Variants in BCAR3 observed in about 807,000 individuals in gnomAD.
BCAR3 encodes breast cancer anti-estrogen resistance protein 3.
Under a neutral mutation model 80.1 loss-of-function variants are expected in BCAR3, and 37 were observed. That is an observed-to-expected ratio of 0.46 (90% CI 0.36 to 0.61). The LOEUF (loss-of-function observed/expected upper bound fraction) is 0.61. Ranked by LOEUF, BCAR3 falls within the 20% of genes least tolerant of loss-of-function variation. The pLI is 0.00. For synonymous variants in BCAR3, 389 were observed against 418.9 expected, an observed-to-expected ratio of 0.93 and a Z score of 0.87; for missense variants, 978 against 1,068.2, an observed-to-expected ratio of 0.92 and a Z score of 1.18.
chr1:93,740,554 T>C (rs1016696129), intron 2 of BCAR3, among the ~76,000 whole-genome samples: 1 of 152,152 alleles, frequency 6.6e-6, no homozygotes, highest in Admixed American at 6.5e-5. Flanking sequence ...CTTGAGCTTG[T>C]TGTCCACTCT....
At chr1:93,737,009 T>C (rs1307109338) in intron 2 of BCAR3, among the ~76,000 whole-genome samples, 1 of 152,218 alleles carries the variant, frequency 6.6e-6, no homozygotes, top group Non-Finnish European at 1.5e-5. Context: ...CTCTCTAACC[T>C]GAGTTTTAAG....
intron 2 of BCAR3, among the ~76,000 whole-genome samples, chr1:93,735,718 T>A (rs1407617641): frequency 1.3e-5 from 2 of 152,258 alleles, no homozygotes; most frequent in Non-Finnish European, 2.9e-5. Flanking sequence ...TTGCATAAAG[T>A]GGTCTTGAGA....
chr1:93,650,176 C>T (rs1676278085), intron 2 of BCAR3, among the ~76,000 whole-genome samples: 1 of 152,026 alleles, frequency 6.6e-6, no homozygotes, highest in Admixed American at 6.6e-5. Flanking sequence ...CTTGAGGTCA[C>T]GAGTTCGAGA....
At chr1:93,747,209 G>A (rs1355772229) in intron 2 of BCAR3, among the ~76,000 whole-genome samples, 1 of 152,124 alleles carries the variant, frequency 6.6e-6, no homozygotes, top group Admixed American at 6.6e-5. Flanking sequence ...ATGCAACCTT[G>A]GCTCTGGCAA....
At chr1:93,670,590 G>A (rs926523697) in intron 2 of BCAR3, among the ~76,000 whole-genome samples, 38 of 152,134 alleles carry the variant, frequency 2.5e-4, no homozygotes, top group African/African-American at 9.2e-4. Flanking sequence ...TCCTAGCTCA[G>A]TTATCCATTA....
At chr1:93,636,509 C>T (rs1675785250) in intron 3 of BCAR3, among the ~76,000 whole-genome samples, 1 of 151,250 alleles carries the variant, frequency 6.6e-6, no homozygotes, top group Non-Finnish European at 1.5e-5. Flanking sequence ...GTGCTGTTTA[C>T]AGCCTGGCCA....
intron 2 of BCAR3, among the ~76,000 whole-genome samples, chr1:93,730,971 G>A (rs1036841499): frequency 6.6e-6 from 1 of 152,322 alleles, no homozygotes; most frequent in East Asian, 1.9e-4. Flanking sequence ...TGTGCCCTTG[G>A]TACATTGTGA....
chr1:93,829,808 T>G (rs1654495405), intron 2 of BCAR3, among the ~76,000 whole-genome samples: 1 of 152,206 alleles, frequency 6.6e-6, no homozygotes, highest in Non-Finnish European at 1.5e-5. Context: ...TGAAATGGTT[T>G]TGATCTGTGT....
rs114995815 is a variant in BCAR3, at chr1:93,830,788, A to G, written c.-63+14779T>C. ...TGGGACAGGAGGACTCCTTCAGGAG[A>G]CTGGTCTCCTGTCTTTGCCCTCACT... On this transcript the variant is annotated intron_variant, in intron 2 of 13. Coordinates refer to the BCAR3 transcript ENST00000370244. Among the ~76,000 whole-genome samples, 1,376 of 152,198 alleles carry G rather than the reference A, an allele frequency of 9.0e-3. 26 individuals are homozygous for G. The highest frequency in any genetic ancestry group is 0.031 in the African/African-American group (1,280 of 41,512).
At chr1:93,589,922 T>C (rs548753579) in intron 4 of BCAR3, among the ~76,000 whole-genome samples, 3 of 152,304 alleles carry the variant, frequency 2.0e-5, no homozygotes, top group Admixed American at 6.5e-5. Context: ...AGAAAATGTG[T>C]GCCTGGCAGG....
intron 2 of BCAR3, among the ~76,000 whole-genome samples, chr1:93,757,632 G>T (rs1191264800): frequency 2.6e-5 from 4 of 152,178 alleles, no homozygotes; most frequent in African/African-American, 9.7e-5. Context: ...AGAGGGCTAG[G>T]CAGGCATCCT....
intron 8 of BCAR3, among the ~76,000 whole-genome samples, chr1:93,573,370 G>A (rs2101811585): frequency 6.6e-6 from 1 of 151,078 alleles, no homozygotes; most frequent in South Asian, 2.1e-4. Context: ...ACTCCAGCCT[G>A]GGTAACTAGA....
intron 5 of BCAR3, 29 bp from the exon 6 acceptor site, chr1:93,584,150 T>A: frequency 6.2e-7 from 1 of 1,601,564 alleles, no homozygotes; most frequent in Non-Finnish European, 8.5e-7. Context: ...AGGATGGAAA[T>A]GTGTTACTAA....
rs753973727 is a variant in BCAR3 at position 93,589,164 on chromosome 1, T to C, written c.742A>G (p.Ile248Val). The C allele has an allele frequency of 5.6e-6, 9 of 1,613,798 alleles. No homozygotes were observed. The highest frequency in any genetic ancestry group is 1.7e-4 in the Middle Eastern group (1 of 6,044). ...RRPISQQSGA[I>V]IFQPINRTVP... ...GTCCTGTTGATGGGCTGGAAGATGA[T>C]GGCGCCACTCTGCTGGGAGATGGGC... The change falls in exon 5 of 12, where the codon ATC becomes GTC. Residue 248 changes from isoleucine (I) to valine (V), a missense_variant. Ile to Val is a conservative substitution (Grantham distance 29). Transcript: ENST00000260502.
intron 2 of BCAR3, among the ~76,000 whole-genome samples, chr1:93,808,835 A>C (rs1653736825): frequency 6.6e-6 from 1 of 152,232 alleles, no homozygotes; most frequent in Admixed American, 6.5e-5. Context: ...TCTATTGGGT[A>C]GGGACATTGG....
At chr1:93,675,599 G>A (rs987447996) in intron 1 of BCAR3, among the ~76,000 whole-genome samples, 17 of 152,222 alleles carry the variant, frequency 1.1e-4, no homozygotes, top group African/African-American at 3.9e-4. Context: ...CCCCCACAGA[G>A]GGGTCAGGAT....
intron 3 of BCAR3, among the ~76,000 whole-genome samples, chr1:93,635,117 C>G (rs1675738849): frequency 6.6e-6 from 1 of 151,946 alleles, no homozygotes; most frequent in Non-Finnish European, 1.5e-5. Flanking sequence ...CCTAGCTACT[C>G]AGTGAGGTGG....
intron 2 of BCAR3, among the ~76,000 whole-genome samples, chr1:93,707,192 T>G (rs968872359): frequency 6.6e-6 from 1 of 151,892 alleles, no homozygotes; most frequent in African/African-American, 2.4e-5. Flanking sequence ...ACAAAAAAAG[T>G]ATACAGTTTA....
At chr1:93,844,202 G>A (rs1308915036) in intron 2 of BCAR3, among the ~76,000 whole-genome samples, 2 of 152,160 alleles carry the variant, frequency 1.3e-5, no homozygotes, top group Non-Finnish European at 2.9e-5. Flanking sequence ...AGCTACTTAG[G>A]AGGCTGAGGC....
Sources: allele counts gnomAD v4.1 joint callset (sites outside exome capture counted in the v4.1 genomes callset), GRCh38; gene constraint gnomAD v4.1.1; transcripts MANE v1.5; gene names NCBI Gene and HGNC (gene_info 2026-07-23, HGNC 2026-07-21).